Variants in FHL1 observed in about 807,000 individuals in gnomAD.
FHL1 encodes four and a half LIM domains protein 1.
Under a neutral mutation model 20.3 loss-of-function variants are expected in FHL1, and 1 was observed. The ratio of observed to expected loss-of-function variants is 0.05; its 90% confidence interval spans 0.02 to 0.23. The LOEUF (loss-of-function observed/expected upper bound fraction) is 0.23. Among genes scored for constraint, FHL1 ranks in the 10% least tolerant of loss-of-function variants. The pLI, the probability that FHL1 is intolerant of heterozygous loss-of-function variation, is 1.00. For missense variants in FHL1, 177 were observed against 234.0 expected (o/e 0.76, Z 1.59); for synonymous variants, 82 against 88.9 (o/e 0.92, Z 0.44).
intron 2 of FHL1, among the ~76,000 whole-genome samples, chrX:136,188,940 T>A (rs1052666108): frequency 1.8e-5 from 2 of 111,743 alleles, no homozygotes; most frequent in African/African-American, 6.5e-5. Context: ...CCTTGGCATT[T>A]ATTCAGAATT....
upstream of FHL1, among the ~76,000 whole-genome samples, chrX:136,193,744 T>C (rs756861203): frequency 3.6e-5 from 4 of 110,330 alleles, no homozygotes; most frequent in African/African-American, 1.3e-4. Context: ...TTTCAGTCTT[T>C]CCTTGCATCT....
intron 2 of FHL1, among the ~76,000 whole-genome samples, chrX:136,188,910 A>G (rs1375017865): frequency 2.7e-5 from 3 of 111,447 alleles, no homozygotes; most frequent in Admixed American, 1.9e-4. Flanking sequence ...TTGATGAGAT[A>G]GGGTCTTTTA....
chrX:136,170,116 A>C (rs1042095824), intron 2 of FHL1: 1 of 271,618 alleles, frequency 3.7e-6, no homozygotes, highest in Non-Finnish European at 6.9e-6. Flanking sequence ...GACTCAACCA[A>C]TGTCACTGCT....
In FHL1 at chrX:136,154,741, G is replaced by A. The variant is rs1440925441; in HGVS notation, c.-101+7113G>A. Among the ~76,000 whole-genome samples the A allele has an allele frequency of 3.8e-5, 4 of 105,896 alleles. No individual in the cohort carries two copies. In the East Asian group the frequency reaches 1.2e-3, roughly 31 times the overall value. 92.0% of individuals were successfully genotyped at this position (105,896 alleles called of 115,157 possible). On this transcript the variant is annotated intron_variant, in intron 1 of 7. Transcript: ENST00000394155. Reference sequence around the variant, plus strand: ...TTTTTTTTTGAGATGGAGTCTCCCTGTGTCGCCCAGGCTGGAGTGCAGTGG... The same window carrying A: ...TTTTTTTTTGAGATGGAGTCTCCCTATGTCGCCCAGGCTGGAGTGCAGTGG...
upstream of FHL1, among the ~76,000 whole-genome samples, chrX:136,193,809 G>C (rs1160837995): frequency 9.1e-6 from 1 of 110,197 alleles, no homozygotes; most frequent in Non-Finnish European, 1.9e-5. Context: ...TCTTCTCTGA[G>C]ATCTGCTCTT....
At chrX:136,187,495 G>A (rs2073336942) in intron 2 of FHL1, among the ~76,000 whole-genome samples, 1 of 112,420 alleles carries the variant, frequency 8.9e-6, no homozygotes, top group Non-Finnish European at 1.9e-5. Context: ...ACTGATGCAT[G>A]CTATAGCATG....
intron 1 of FHL1, among the ~76,000 whole-genome samples, chrX:136,157,212 G>A (rs959732737): frequency 1.5e-4 from 17 of 111,516 alleles, no homozygotes; most frequent in African/African-American, 5.5e-4. Context: ...AAAGAGGCAC[G>A]TTAAGTTGCT....
upstream of FHL1, chrX:136,167,050 T>G (rs1356614984): frequency 9.1e-6 from 1 of 109,784 alleles, no homozygotes; most frequent in Non-Finnish European, 1.9e-5. Context: ...TGTGCCCTGC[T>G]GCATTCCTCC....
intron 2 of FHL1, among the ~76,000 whole-genome samples, chrX:136,187,115 G>A (rs2073324519): frequency 9.6e-6 from 1 of 103,989 alleles, no homozygotes; most frequent in African/African-American, 3.5e-5. Context: ...AGTATGTATA[G>A]TATACCACTA....
intron 1 of FHL1, among the ~76,000 whole-genome samples, chrX:136,149,018 A>T (rs1004177313): frequency 7.1e-5 from 8 of 112,364 alleles, no homozygotes; most frequent in African/African-American, 2.3e-4. Context: ...CAGTTTTCCT[A>T]ATTGGAGCCA....
chrX:136,189,062 TG>T (rs1287369196), intron 2 of FHL1, among the ~76,000 whole-genome samples: 1 of 111,769 alleles, frequency 8.9e-6, no homozygotes, highest in Non-Finnish European at 1.9e-5. Context: ...GAATCAAGGG[TG>T]GCCTGCCTGA....
upstream of FHL1, among the ~76,000 whole-genome samples, chrX:136,166,740 G>T (rs148526444): frequency 2.6e-4 from 29 of 112,542 alleles, no homozygotes; most frequent in Middle Eastern, 4.6e-3. Flanking sequence ...TAAGGTGGAT[G>T]GAATCGAAAG....
upstream of FHL1, among the ~76,000 whole-genome samples, chrX:136,192,079 A>G (rs2073442278): frequency 8.9e-6 from 1 of 112,569 alleles, no homozygotes; most frequent in African/African-American, 3.2e-5. Context: ...CCAGCTTCTC[A>G]GTTTCCTGAA....
intron 1 of FHL1, 59 bp downstream of exon 1, chrX:136,197,193 G>C (rs1045697956): frequency 9.8e-7 from 1 of 1,016,192 alleles, no homozygotes; most frequent in Non-Finnish European, 1.4e-6. Flanking sequence ...CAGTGAATCC[G>C]TCATTGGGCT....
At chrX:136,170,046 G>A (rs1278661128) in intron 2 of FHL1, 1 of 309,167 alleles carries the variant, frequency 3.2e-6, no homozygotes, top group Non-Finnish European at 6.2e-6. Flanking sequence ...TGGTATTAGG[G>A]GCGGCATTGT....
chrX:136,183,127 A>AC (rs1014724961), intron 2 of FHL1, among the ~76,000 whole-genome samples: 37 of 110,140 alleles, frequency 3.4e-4, no homozygotes, highest in East Asian at 8.5e-4. Flanking sequence ...AAACAAACAA[A>AC]AAAAAAACAG....
intron 5 of FHL1, chrX:136,209,027 C>T (rs1180183894): frequency 2.5e-5 from 11 of 433,518 alleles, no homozygotes; most frequent in Non-Finnish European, 4.3e-5. Flanking sequence ...TGTAATACCC[C>T]ATAGCTGAAG....
At chrX:136,179,390 G>A (rs1233045444) in intron 2 of FHL1, among the ~76,000 whole-genome samples, 1 of 111,907 alleles carries the variant, frequency 8.9e-6, no homozygotes, top group Non-Finnish European at 1.9e-5. Flanking sequence ...TGAACTGTCA[G>A]TTCTCATAGA....
intron 2 of FHL1, among the ~76,000 whole-genome samples, chrX:136,187,659 A>T (rs1415658103): frequency 9.0e-6 from 1 of 110,805 alleles, no homozygotes; most frequent in African/African-American, 3.3e-5. Context: ...GAAGTGGCAC[A>T]TCCATAAAGA....
Sources: gnomAD v4.1 joint callset for allele counts (sites outside exome capture counted in the v4.1 genomes callset) on GRCh38, gnomAD v4.1.1 for gene constraint, MANE v1.5 for transcripts, NCBI Gene and HGNC (gene_info 2026-07-23, HGNC 2026-07-21) for gene names.